The following PPARGC1A variants were observed in gnomAD, a reference collection of about 807,000 sequenced individuals.
PPARGC1A encodes PPARG coactivator 1 alpha.
PPARGC1A carries 25 observed loss-of-function variants against 88.7 expected under a neutral mutation model. The observed-to-expected ratio is 0.28, with a 90% CI of 0.21 to 0.39. PPARGC1A has a LOEUF of 0.39. Ranked by LOEUF, PPARGC1A falls within the 10% of genes least tolerant of loss-of-function variation. PPARGC1A has a pLI of 1.00. For missense variants in PPARGC1A, 880 were observed against 968.7 expected, an observed-to-expected ratio of 0.91 and a Z score of 1.22; for synonymous variants, 363 against 355.6, an observed-to-expected ratio of 1.02 and a Z score of -0.24.
chr4:24,068,112 T>A, the PPARGC1A span, among the ~76,000 whole-genome samples: 2 of 152,196 alleles, frequency 1.3e-5, no homozygotes, highest in Non-Finnish European at 2.9e-5. Flanking sequence ...TGGTCCTGAA[T>A]AAGAACTCTT....
rs374493208 is a variant in PPARGC1A, at chr4:23,805,538, C to T, written c.2020-3193G>A. ...CTGTGATTGTGCCACTTCAGAGCAC[C>T]GAGCACATCCTGGCAGTCAGAAAGT... On this transcript the variant is annotated intron_variant, in intron 10 of 12. Coordinates refer to ENST00000264867, the MANE Select transcript of PPARGC1A (RefSeq NM_013261.5). 1.2e-4 allele frequency among the ~76,000 whole-genome samples: 18 copies of T among 152,226 alleles called. No homozygotes were observed. In the South Asian group the frequency reaches 1.2e-3, roughly 11 times the overall value.
chr4:23,852,618 T>C (rs920318367), intron 2 of PPARGC1A, among the ~76,000 whole-genome samples: 1 of 152,170 alleles, frequency 6.6e-6, no homozygotes, highest in Non-Finnish European at 1.5e-5. Context: ...CACTATAAAA[T>C]AGTTTTCTCC....
chr4:24,065,792 C>T, the PPARGC1A span, among the ~76,000 whole-genome samples: 5 of 152,100 alleles, frequency 3.3e-5, no homozygotes, highest in Non-Finnish European at 5.9e-5. Flanking sequence ...GGTTATGAAG[C>T]TGGTAAGAGG....
the PPARGC1A span, among the ~76,000 whole-genome samples, chr4:24,156,679 A>G: frequency 6.4e-3 from 967 of 151,814 alleles, 7 homozygotes; most frequent in African/African-American, 0.022. Context: ...CCTCTTTATC[A>G]TTCTAAATAC....
chr4:23,839,158 T>A (rs1220539048), intron 2 of PPARGC1A, among the ~76,000 whole-genome samples: 1 of 152,194 alleles, frequency 6.6e-6, no homozygotes, highest in Non-Finnish European at 1.5e-5. Context: ...ACTCCATCCT[T>A]ATTGATTTGC....
chr4:24,126,746 G>T, the PPARGC1A span, among the ~76,000 whole-genome samples: 35 of 152,150 alleles, frequency 2.3e-4, no homozygotes, highest in Non-Finnish European at 4.7e-4. Context: ...AGTTCCCAAG[G>T]GCGGCATGCT....
chr4:24,033,991 CCTT>C, the PPARGC1A span, among the ~76,000 whole-genome samples: 1 of 152,156 alleles, frequency 6.6e-6, no homozygotes, highest in African/African-American at 2.4e-5. Flanking sequence ...GTCCGTTTGG[CCTT>C]CTTCTTCCTA....
At chr4:24,092,933 T>C in the PPARGC1A span, among the ~76,000 whole-genome samples, 1 of 152,226 alleles carries the variant, frequency 6.6e-6, no homozygotes, top group Non-Finnish European at 1.5e-5. Flanking sequence ...CTTGCTATGA[T>C]CTATTATTGC....
the PPARGC1A span, among the ~76,000 whole-genome samples, chr4:24,015,550 T>C: frequency 2.0e-5 from 3 of 152,186 alleles, no homozygotes; most frequent in African/African-American, 7.2e-5. Flanking sequence ...ATCTGGCTTT[T>C]ATTTCTGAGT....
At chr4:24,135,080 T>G in the PPARGC1A span, among the ~76,000 whole-genome samples, 1 of 152,292 alleles carries the variant, frequency 6.6e-6, no homozygotes, top group Non-Finnish European at 1.5e-5. Flanking sequence ...AGTGCCAACC[T>G]TTTCCTCTTT....
At chr4:24,417,625 A>G in the PPARGC1A span, among the ~76,000 whole-genome samples, 11 of 152,358 alleles carry the variant, frequency 7.2e-5, no homozygotes, top group Non-Finnish European at 1.5e-5. Flanking sequence ...CCAAATGTCC[A>G]GCAACAAGGT....
the PPARGC1A span, among the ~76,000 whole-genome samples, chr4:24,238,890 C>CGATTCCCTA: frequency 6.6e-6 from 1 of 151,384 alleles, no homozygotes; most frequent in East Asian, 2.0e-4. Flanking sequence ...ATCTGATTAC[C>CGATTCCCTA]GATTCCCTAT....
chr4:23,796,957 G>A (rs1051135710), intron 12 of PPARGC1A, among the ~76,000 whole-genome samples: 14 of 151,678 alleles, frequency 9.2e-5, no homozygotes, highest in Middle Eastern at 3.4e-3. Flanking sequence ...AGGCATAATC[G>A]TTGACCTAAA....
chr4:23,920,705 C>T, the PPARGC1A span, among the ~76,000 whole-genome samples: 2 of 152,204 alleles, frequency 1.3e-5, no homozygotes, highest in Non-Finnish European at 2.9e-5. Flanking sequence ...TCACCCTCCC[C>T]TAAACTCAGA....
chr4:23,898,156 A>G (rs1718835753), intron 1 of PPARGC1A, among the ~76,000 whole-genome samples: 1 of 152,338 alleles, frequency 6.6e-6, no homozygotes, highest in East Asian at 1.9e-4. Flanking sequence ...AAGACTGTAC[A>G]TATTTTTAAT....
At chr4:24,363,628 T>G in the PPARGC1A span, among the ~76,000 whole-genome samples, 2 of 152,158 alleles carry the variant, frequency 1.3e-5, no homozygotes, top group Admixed American at 6.6e-5. Flanking sequence ...ATCTGCCTAC[T>G]ACAGGAATGT....
intron 2 of PPARGC1A, among the ~76,000 whole-genome samples, chr4:23,840,604 C>A (rs752948536): frequency 6.6e-6 from 1 of 152,082 alleles, no homozygotes; most frequent in Non-Finnish European, 1.5e-5. Flanking sequence ...ATCTCCCTGA[C>A]TCAACATATG....
At chr4:24,000,654 C>CTTT in the PPARGC1A span, among the ~76,000 whole-genome samples, 1 of 152,056 alleles carries the variant, frequency 6.6e-6, no homozygotes, top group South Asian at 2.1e-4. Flanking sequence ...AGGATTTTTT[C>CTTT]TTTTTTTCTT....
chr4:23,898,993 G>A (rs924115296), intron 1 of PPARGC1A, among the ~76,000 whole-genome samples: 9 of 151,756 alleles, frequency 5.9e-5, no homozygotes, highest in Admixed American at 1.3e-4. Flanking sequence ...GCACCACGAC[G>A]CCCGGCTAAT....
Sources: allele counts gnomAD v4.1 joint callset (sites outside exome capture counted in the v4.1 genomes callset), GRCh38; gene constraint gnomAD v4.1.1; transcripts MANE v1.5; gene names NCBI Gene and HGNC (gene_info 2026-07-23, HGNC 2026-07-21).